The following NKTR variants were observed in gnomAD, a reference collection of about 807,000 sequenced individuals.
The protein encoded by NKTR is natural killer cell triggering receptor, also known as NK-tumor recognition protein.
A neutral mutation model predicts 156.3 loss-of-function variants in NKTR; 67 were observed. The observed-to-expected ratio is 0.43, with a 90% CI of 0.35 to 0.53. NKTR has a LOEUF of 0.53. Ranked by LOEUF, NKTR falls within the 20% of genes least tolerant of loss-of-function variation. The pLI is 0.01. For synonymous variants in NKTR, 640 were observed against 596.6 expected (o/e 1.07, Z -1.06); for missense variants, 1,604 against 1,730.9 (o/e 0.93, Z 1.30).
intron 6 of NKTR, 40 bp downstream of exon 6, chr3:42,621,556 G>T: frequency 6.3e-7 from 1 of 1,592,250 alleles, no homozygotes; most frequent in South Asian, 1.2e-5. Context: ...TTCTTAAACA[G>T]AGAAGCGCTG....
At position 42,646,766 on chromosome 3, in the gene NKTR, T is replaced by TA. The variant is rs1277097643; in HGVS notation, c.*792dup. On this transcript the variant is annotated 3_prime_UTR_variant, in exon 17 of 17. Transcript: ENST00000232978. The stretch of plus-strand genomic sequence containing the variant: ...GGTGCGTCTTTAAGCATTACTCTTA[T>TA]ATATCATATATTAAAATACCATAAA... 2 of 152,666 alleles carry TA rather than the reference T, an allele frequency of 1.3e-5. No homozygotes were observed. Among genetic ancestry groups the TA allele is most frequent in the Admixed American group, 6.5e-5 (1 of 15,286 alleles). 9.5% of individuals were successfully genotyped at this position (152,666 alleles called of 1,614,324 possible).
intron 13 of NKTR, among the ~76,000 whole-genome samples, chr3:42,640,511 T>C (rs150549122): frequency 6.6e-6 from 1 of 151,746 alleles, no homozygotes; most frequent in East Asian, 1.9e-4. Flanking sequence ...GTGCTTGATA[T>C]TCATCATTTG....
In NKTR at chr3:42,638,457, C is replaced by G. The variant is rs759535601; in HGVS notation, c.2753C>G (p.Ser918Cys). 4.7e-5 allele frequency: 76 copies of G among 1,611,590 alleles called. No homozygotes were observed. Among genetic ancestry groups the G allele is most frequent in the Non-Finnish European group, 6.4e-5 (76 of 1,179,304 alleles). Residue 918 changes from serine to cysteine, a missense_variant, in exon 13 of 17, where the codon TCT (serine) becomes TGT (cysteine). Physicochemically the swap from Ser to Cys is moderately radical, Grantham distance 112 (BLOSUM62 -1). Around this residue, in one of 6 missense-constraint regions of NKTR, gnomAD observed 1,255 missense variants for 1,243.7 expected, o/e 1.01. Coordinates refer to ENST00000232978, the MANE Select transcript of NKTR (RefSeq NM_005385.4). ...DKEEGEATSD[S>C]ESEVSEIHIK... ...GAAGAAGGTGAGGCCACATCCGATT[C>G]TGAATCAGAGGTTAGTGAAATTCAC...
Position 42,643,396 on chromosome 3 carries a change from G to T in NKTR, c.4199+1G>T. ...CATATGATCCCCACAGTCGATCCAG[G>T]TATGAACAGGGATTGGGAAACCACC... On this transcript the variant is annotated splice_donor_variant, in intron 15 of 16. Transcript: ENST00000232978. LOFTEE classifies it high-confidence loss of function. The T allele has an allele frequency of 6.2e-7, 1 of 1,613,446 alleles. No homozygotes were observed. The highest frequency in any genetic ancestry group is 8.5e-7 in the Non-Finnish European group (1 of 1,179,394).
intron 2 of NKTR, among the ~76,000 whole-genome samples, chr3:42,612,640 A>C (rs9832720): frequency 6.6e-6 from 1 of 152,082 alleles, no homozygotes; most frequent in Non-Finnish European, 1.5e-5. Flanking sequence ...TATCTCAGGG[A>C]TATGTATTCA....
chr3:42,613,760 CAT>C (rs1707076191), intron 2 of NKTR, among the ~76,000 whole-genome samples: 1 of 152,190 alleles, frequency 6.6e-6, no homozygotes, highest in Admixed American at 6.5e-5. Flanking sequence ...CAAAGCTTAA[CAT>C]GTGTTGATAT....
intron 5 of NKTR, chr3:42,620,975 T>C: frequency 1.1e-6 from 1 of 931,036 alleles, no homozygotes; most frequent in Non-Finnish European, 1.3e-6. Context: ...CAGTCTAGCT[T>C]CAATTAAGTT....
intron 6 of NKTR, 66 bp from the exon 7 acceptor site, chr3:42,630,480 T>A (rs1708792482): frequency 6.2e-7 from 1 of 1,608,374 alleles, no homozygotes; most frequent in East Asian, 2.3e-5. Flanking sequence ...TGTTTAAACC[T>A]TTCTGCTCTC....
In NKTR at chr3:42,627,468, A is replaced by G. The variant is rs79724386; in HGVS notation, c.375-3078A>G. ...CTTCTGGTGGGGGAGTGGGGTTATT[A>G]GTTTATAGTATGGTTTTAGTTCTCA... On this transcript the variant is annotated intron_variant, in intron 6 of 16. Transcript: ENST00000232978. The G allele has an allele frequency of 2.2e-3, 2,123 of 985,194 alleles. 3 individuals carry two copies. The highest frequency in any genetic ancestry group is 2.4e-3 in the Non-Finnish European group (1,972 of 829,798). The allele number at this position is 985,194 out of a possible 1,614,324, so 61.0% of individuals were successfully genotyped here. A position where few individuals can be genotyped will look rare whatever the true frequency, so the allele number is the denominator to read the frequency against.
intron 6 of NKTR, chr3:42,630,188 GT>G (rs935384623): frequency 4.9e-3 from 3,818 of 787,010 alleles, no homozygotes; most frequent in East Asian, 0.011. Context: ...AATTTTGAGG[GT>G]TTTTTTTTTT....
chr3:42,600,890 C>G lies in NKTR; in HGVS notation c.-23-94C>G, dbSNP rs1705330935. The G allele has an allele frequency of 1.2e-5, 9 of 743,312 alleles. No individual in the cohort carries two copies. The East Asian group carries it at 3.1e-4, about 26-fold the overall frequency. The allele number at this position is 743,312 out of a possible 1,614,324, so 46.0% of individuals were successfully genotyped here. A position where few individuals can be genotyped will look rare whatever the true frequency, so the allele number is the denominator to read the frequency against. ...GTCGCGACGGGCCGGCGTGAGGCAC[C>G]GTGGCGCGGACTTCGTCTCAGCCCC... On this transcript the variant is annotated intron_variant, in intron 1 of 16. Transcript: ENST00000232978.
Position 42,637,929 on chromosome 3 carries a change from C to T in NKTR, c.2225C>T (p.Ser742Phe), listed in dbSNP as rs773863596. Reference protein sequence around the residue: ...YSDHSQCSRSSSYTSISSDDG... With the variant: ...YSDHSQCSRSFSYTSISSDDG... ...GATCATTCACAGTGTAGTAGATCAT[C>T]TTCATATACTTCTATTAGCAGTGAT... The change falls in exon 13 of 17, where the codon TCT becomes TTT. Residue 742 changes from serine (S) to phenylalanine (F), a missense_variant. By Grantham distance (155) the Ser-to-Phe change is radical (BLOSUM62 -2). This residue lies in a region of NKTR where 1,255 missense variants were observed against 1,243.7 expected (regional missense o/e 1.01). Transcript: ENST00000232978. 1.5e-5 allele frequency: 25 copies of T among 1,613,782 alleles called. No homozygotes were observed. The highest frequency in any genetic ancestry group is 1.9e-5 in the Non-Finnish European group (23 of 1,179,850).
chr3:42,639,481 A>T lies in NKTR; in HGVS notation c.3777A>T (p.Pro1259=), dbSNP rs2125821207. 6.2e-7 allele frequency: 1 copy of T among 1,614,220 alleles called. No homozygotes were observed. The change falls in exon 13 of 17, where the codon CCA becomes CCT. Residue 1259 remains proline (P), a synonymous_variant. Transcript: ENST00000232978. ...KVLTTVPEMK[P]QGLRIEIKSK... is the part of the protein sequence containing the mutation. ...TGACCACTGTGCCTGAAATGAAACC[A>T]CAAGGCTTGAGAATAGAAATTAAAA...
intron 2 of NKTR, among the ~76,000 whole-genome samples, chr3:42,613,722 C>T (rs1025256246): frequency 2.0e-5 from 3 of 152,170 alleles, no homozygotes; most frequent in Non-Finnish European, 1.5e-5. Flanking sequence ...GAATCTACAC[C>T]ATGACATAGA....
intron 2 of NKTR, among the ~76,000 whole-genome samples, chr3:42,610,418 C>T (rs374827804): frequency 5.3e-5 from 8 of 152,206 alleles, no homozygotes; most frequent in African/African-American, 1.2e-4. Context: ...TCACCATTAA[C>T]GATAATGCTG....
intron 13 of NKTR, among the ~76,000 whole-genome samples, chr3:42,640,472 T>C (rs917804238): frequency 1.3e-5 from 2 of 152,254 alleles, no homozygotes; most frequent in East Asian, 3.8e-4. Flanking sequence ...TTTACCTGTT[T>C]CTTAATTATT....
chr3:42,639,996 TC>T (rs1448459552), intron 13 of NKTR, among the ~76,000 whole-genome samples: 1 of 152,216 alleles, frequency 6.6e-6, no homozygotes, highest in African/African-American at 2.4e-5. Flanking sequence ...AGAAATGAGT[TC>T]CCATGATAGG....
chr3:42,629,941 G>A, intron 6 of NKTR: 1 of 985,404 alleles, frequency 1.0e-6, no homozygotes, highest in Non-Finnish European at 1.2e-6. Context: ...GCAGATTGAA[G>A]CTTTTCTCCC....
intron 2 of NKTR, among the ~76,000 whole-genome samples, chr3:42,613,750 C>G (rs962781060): frequency 2.6e-5 from 4 of 152,282 alleles, no homozygotes; most frequent in Admixed American, 1.3e-4. Flanking sequence ...TGTCTGTAGT[C>G]AAAGCTTAAC....
Sources: allele counts gnomAD v4.1 joint callset (sites outside exome capture counted in the v4.1 genomes callset), GRCh38; gene constraint gnomAD v4.1.1; regional missense constraint gnomAD v4.1.1; transcripts MANE v1.5; gene names NCBI Gene and HGNC (gene_info 2026-07-23, HGNC 2026-07-21).